CSMD1: variants seen among roughly 807,000 people sequenced by gnomAD.
The protein encoded by CSMD1 is CUB and Sushi multiple domains 1, also known as CUB and sushi domain-containing protein 1.
Under a neutral mutation model 417.5 loss-of-function variants are expected in CSMD1, and 213 were observed. That is an observed-to-expected ratio of 0.51 (90% CI 0.46 to 0.57). The LOEUF (loss-of-function observed/expected upper bound fraction) is 0.57. Ranked by LOEUF, CSMD1 falls within the 20% of genes least tolerant of loss-of-function variation. The pLI is 0.00. For missense variants in CSMD1, 6,923 were observed against 4,529.7 expected, an observed-to-expected ratio of 1.53 and a Z score of -15.17; for synonymous variants, 2,862 against 1,736.8, an observed-to-expected ratio of 1.65 and a Z score of -16.11.
chr8:3,828,222 C>T (rs907750495), intron 5 of CSMD1, among the ~76,000 whole-genome samples: 1 of 152,140 alleles, frequency 6.6e-6, no homozygotes, highest in East Asian at 1.9e-4. Context: ...AGAAAAGACA[C>T]TCTTATTATC....
intron 5 of CSMD1, among the ~76,000 whole-genome samples, chr8:3,849,280 C>T (rs1343187863): frequency 1.3e-5 from 2 of 152,046 alleles, no homozygotes; most frequent in Non-Finnish European, 2.9e-5. Flanking sequence ...TGTGAATGTG[C>T]ACAGACAAAG....
At chr8:4,779,339 T>C (rs1003201816) in intron 1 of CSMD1, among the ~76,000 whole-genome samples, 7 of 152,292 alleles carry the variant, frequency 4.6e-5, no homozygotes, top group African/African-American at 1.7e-4. Context: ...GGAAACTAAC[T>C]CGAACTGGCT....
intron 49 of CSMD1, among the ~76,000 whole-genome samples, chr8:3,064,332 C>T (rs571297198): frequency 2.5e-4 from 38 of 152,244 alleles, no homozygotes; most frequent in Non-Finnish European, 1.5e-5. Context: ...AGTGAGTTCT[C>T]AGGAGATCTG....
intron 1 of CSMD1, among the ~76,000 whole-genome samples, chr8:4,793,835 GAAAAAA>G (rs35760193): frequency 7.6e-6 from 1 of 132,420 alleles, no homozygotes; most frequent in African/African-American, 3.2e-5. Flanking sequence ...CCCAGAATAG[GAAAAAA>G]AAAAAAAAAA....
chr8:3,266,320 A>C (rs1801426995), intron 26 of CSMD1, among the ~76,000 whole-genome samples: 1 of 151,432 alleles, frequency 6.6e-6, no homozygotes, highest in Non-Finnish European at 1.5e-5. Flanking sequence ...TAAGAGAACC[A>C]CCCGGCCGGG....
At chr8:3,637,632 T>C (rs1797114169) in intron 7 of CSMD1, among the ~76,000 whole-genome samples, 1 of 152,194 alleles carries the variant, frequency 6.6e-6, no homozygotes, top group African/African-American at 2.4e-5. Context: ...CTGTTGGCAC[T>C]ATTAAAGTCT....
rs569510414 is a variant in CSMD1, at chr8:3,445,539, T to G, written c.1561+23173A>C. ...CACAACTCTTTTCATTACACATTTT[T>G]TTTTAATAGAACAGACTTCTTATGA... On this transcript the variant is annotated intron_variant, in intron 12 of 69. Transcript: ENST00000635120. Among the ~76,000 whole-genome samples, 12 of 152,306 alleles carry G rather than the reference T, an allele frequency of 7.9e-5. No individual in the cohort carries two copies. In the South Asian group the frequency reaches 2.1e-3, roughly 26 times the overall value.
chr8:4,482,962 T>G (rs1345867239), intron 2 of CSMD1, among the ~76,000 whole-genome samples: 1 of 152,052 alleles, frequency 6.6e-6, no homozygotes. Context: ...CATGCAAAAA[T>G]GAAAATAGAG....
intron 10 of CSMD1, among the ~76,000 whole-genome samples, chr8:3,505,420 G>A (rs557768146): frequency 6.6e-6 from 1 of 152,264 alleles, no homozygotes; most frequent in Admixed American, 6.5e-5. Context: ...TATGGGCGCA[G>A]AATCAATAAT....
At chr8:4,306,582 A>G (rs1452848882) in intron 3 of CSMD1, among the ~76,000 whole-genome samples, 2 of 152,158 alleles carry the variant, frequency 1.3e-5, no homozygotes, top group African/African-American at 2.4e-5. Context: ...CCCATGGTGT[A>G]TTAAGCATCC....
At chr8:3,197,456 C>T (rs1224064400) in intron 33 of CSMD1, among the ~76,000 whole-genome samples, 2 of 137,430 alleles carry the variant, frequency 1.5e-5, no homozygotes, top group Non-Finnish European at 3.1e-5. Flanking sequence ...TAATATAGCT[C>T]AAATAATTTT....
chr8:3,995,102 C>T lies in CSMD1; in HGVS notation c.818+2801G>A, dbSNP rs528510021. Among the ~76,000 whole-genome samples, 8 of 152,272 alleles carry T rather than the reference C, an allele frequency of 5.3e-5. No individual in the cohort carries two copies. The South Asian group carries it at 1.7e-3, about 32-fold the overall frequency. On this transcript the variant is annotated intron_variant, in intron 5 of 69. Transcript: ENST00000635120. ...TTTGATTCATGAAATATTTCAGAGA[C>T]TGTCACTGTAGAATTACTGTAAAAT... is the stretch of plus-strand genomic sequence containing the variant.
chr8:4,288,452 A>G (rs114536042), intron 3 of CSMD1, among the ~76,000 whole-genome samples: 1 of 152,110 alleles, frequency 6.6e-6, no homozygotes, highest in South Asian at 2.1e-4. Flanking sequence ...TGCTGTAGCC[A>G]TTTCTCCTGT....
chr8:3,989,709 A>G (rs537743427), intron 5 of CSMD1, among the ~76,000 whole-genome samples: 4 of 152,360 alleles, frequency 2.6e-5, no homozygotes, highest in African/African-American at 7.2e-5. Flanking sequence ...AATCAGAAGA[A>G]CTTAGATACT....
chr8:3,981,097 G>C (rs1460625469), intron 5 of CSMD1, among the ~76,000 whole-genome samples: 2 of 152,132 alleles, frequency 1.3e-5, no homozygotes, highest in Non-Finnish European at 2.9e-5. Context: ...CTTGCTATTT[G>C]CATAATGCAT....
intron 18 of CSMD1, among the ~76,000 whole-genome samples, chr8:3,370,556 C>T (rs778564948): frequency 5.9e-5 from 9 of 152,266 alleles, no homozygotes; most frequent in Middle Eastern, 3.4e-3. Flanking sequence ...GGTAAGAGGC[C>T]GGTCATGTCT....
At chr8:3,810,727 G>C (rs767358357) in intron 5 of CSMD1, among the ~76,000 whole-genome samples, 2 of 152,144 alleles carry the variant, frequency 1.3e-5, no homozygotes, top group Non-Finnish European at 2.9e-5. Flanking sequence ...AATTTGTTAT[G>C]AAAAAGCCTT....
intron 1 of CSMD1, among the ~76,000 whole-genome samples, chr8:4,847,491 C>T (rs1197175354): frequency 5.3e-5 from 8 of 152,164 alleles, no homozygotes; most frequent in East Asian, 1.9e-4. Flanking sequence ...GACTACCCCA[C>T]TATTAACATG....
At chr8:3,827,012 T>C (rs1456612753) in intron 5 of CSMD1, among the ~76,000 whole-genome samples, 3 of 152,134 alleles carry the variant, frequency 2.0e-5, no homozygotes, top group Non-Finnish European at 4.4e-5. Flanking sequence ...GAACTCCTGA[T>C]ATGAAGTGAT....
Sources: gnomAD v4.1 joint callset for allele counts (sites outside exome capture counted in the v4.1 genomes callset) on GRCh38, gnomAD v4.1.1 for gene constraint, MANE v1.5 for transcripts, NCBI Gene and HGNC (gene_info 2026-07-23, HGNC 2026-07-21) for gene names.